Variants in SNUPN observed in about 807,000 individuals in gnomAD.
SNUPN encodes snurportin-1.
SNUPN carries 31 observed loss-of-function variants against 39.2 expected under a neutral mutation model. The ratio of observed to expected loss-of-function variants is 0.79; its 90% CI spans 0.59 to 1.07. The LOEUF (loss-of-function observed/expected upper bound fraction) is 1.07. Ranked by LOEUF, SNUPN falls within the 50% of genes least tolerant of loss-of-function variation. The pLI is 0.00. For synonymous variants in SNUPN, 132 were observed against 159.0 expected, an observed-to-expected ratio of 0.83 and a Z score of 1.28; for missense variants, 382 against 434.2, an observed-to-expected ratio of 0.88 and a Z score of 1.07.
At chr15:75,615,214 G>A (rs1044604576) in intron 3 of SNUPN, among the ~76,000 whole-genome samples, 1 of 152,052 alleles carries the variant, frequency 6.6e-6, no homozygotes, top group Non-Finnish European at 1.5e-5. Flanking sequence ...TAATAGATGG[G>A]GTTTCACCAT....
Position 75,604,442 on chromosome 15 carries a change from G to A in SNUPN, c.678+708C>T, listed in dbSNP as rs150487793. ...CTCCCAAAGTGCTGGGATTACAGGC[G>A]TGAGCCACGGCGCCTGGCCCTTGGC... On this transcript the variant is annotated intron_variant, in intron 7 of 8. Coordinates refer to ENST00000308588, the MANE Select transcript of SNUPN (RefSeq NM_005701.4). 7.7e-3 allele frequency among the ~76,000 whole-genome samples: 1,170 copies of A among 152,210 alleles called. 17 individuals are homozygous for A. Among genetic ancestry groups the A allele is most frequent in the African/African-American group, 0.026 (1,073 of 41,528 alleles).
intron 6 of SNUPN, among the ~76,000 whole-genome samples, chr15:75,605,889 C>G (rs1298532982): frequency 6.6e-5 from 10 of 152,118 alleles, no homozygotes; most frequent in Admixed American, 6.6e-4. Flanking sequence ...TGCAGTCGTT[C>G]ATGCCCAGCA....
At chr15:75,602,684 C>T in intron 7 of SNUPN, among the ~76,000 whole-genome samples, 1 of 151,914 alleles carries the variant, frequency 6.6e-6, no homozygotes, top group African/African-American at 2.4e-5. Flanking sequence ...CAGCTCACTG[C>T]AGCCTCAACC....
Position 75,601,195 on chromosome 15 carries a change from G to A in SNUPN, c.702C>T (p.Asn234=). 1.2e-6 allele frequency: 2 copies of A among 1,613,286 alleles called. No homozygotes were observed. Among genetic ancestry groups the A allele is most frequent in the South Asian group, 1.1e-5 (1 of 91,068 alleles). The part of the protein sequence containing the change: ...LNPFKFVGLK[N]FPCTPESLCD... ...ACAGGCTTTCGGGAGTGCAAGGGAAGTTCTTTAGCCCCACAAATTTAAACT... is the reference window on the plus strand; with the variant it reads ...ACAGGCTTTCGGGAGTGCAAGGGAAATTCTTTAGCCCCACAAATTTAAACT... Residue 234 remains asparagine (N), a synonymous_variant, in exon 8 of 9, where the codon AAC becomes AAT. Coordinates refer to ENST00000308588, the MANE Select transcript of SNUPN (RefSeq NM_005701.4).
intron 4 of SNUPN, 73 bp downstream of exon 4, chr15:75,609,816 AG>A: frequency 7.7e-7 from 1 of 1,294,108 alleles, no homozygotes; most frequent in Non-Finnish European, 1.1e-6. Flanking sequence ...GTGGCGTATG[AG>A]GAAAATGGAG....
At chr15:75,622,431 A>G (rs1335843522) in intron 1 of SNUPN, 5 of 985,254 alleles carry the variant, frequency 5.1e-6, no homozygotes, top group African/African-American at 3.5e-5. Context: ...ACATTAGGGA[A>G]ACAAGACAGG....
At chr15:75,604,182 A>C (rs1555459177) in intron 7 of SNUPN, among the ~76,000 whole-genome samples, 1 of 93,704 alleles carries the variant, frequency 1.1e-5, no homozygotes, top group African/African-American at 4.5e-5. Flanking sequence ...TTTTTTTGTG[A>C]CAGAGTCTCG....
Position 75,607,245 on chromosome 15 carries a change from A to G in SNUPN, c.571T>C (p.Trp191Arg). 1 of 1,613,800 alleles carries G rather than the reference A, an allele frequency of 6.2e-7. No individual in the cohort carries two copies. The highest frequency in any genetic ancestry group is 1.7e-4 in the Middle Eastern group (1 of 6,054). Reference sequence around the variant, plus strand: ...CAATCATAAAAAGGGTGTCCCCGCCAGCACATCACATCCAGAACGTAGTAG... The same window carrying G: ...CAATCATAAAAAGGGTGTCCCCGCCGGCACATCACATCCAGAACGTAGTAG... ...QTYYVLDVMC[W>R]RGHPFYDCQT... Residue 191 changes from tryptophan to arginine, a missense_variant, in exon 6 of 9, where the codon TGG becomes CGG. Coordinates refer to ENST00000308588, the MANE Select transcript of SNUPN (RefSeq NM_005701.4).
In SNUPN at chr15:75,613,642, CAAAAAAAA is replaced by C. The variant is rs58623437; in HGVS notation, c.304-3656_304-3649del. On this transcript the variant is annotated intron_variant, in intron 3 of 8. Coordinates refer to ENST00000308588, the MANE Select transcript of SNUPN (RefSeq NM_005701.4). ...TGGGCAAGAGAGGGAGACTCCAACT[CAAAAAAAA>C]AAAAAAAGAAAAGAAAAGAAAAGAT... Among the ~76,000 whole-genome samples the C allele has an allele frequency of 3.1e-5, 4 of 128,562 alleles. No individual in the cohort carries two copies. The South Asian group carries it at 1.0e-3, about 32-fold the overall frequency. 84.3% of individuals were successfully genotyped at this position (128,562 alleles called of 152,430 possible). A position where few individuals can be genotyped will look rare whatever the true frequency, so the allele number is the denominator to read the frequency against.
Position 75,601,277 on chromosome 15 carries a change from T to C in SNUPN, c.679-59A>G, listed in dbSNP as rs571857706. The C allele has an allele frequency of 2.1e-5, 26 of 1,248,024 alleles. No homozygotes were observed. In the East Asian group the frequency reaches 5.0e-4, roughly 24 times the overall value. 77.3% of individuals were successfully genotyped at this position (1,248,024 alleles called of 1,614,324 possible). A position where few individuals can be genotyped will look rare whatever the true frequency, so the allele number is the denominator to read the frequency against. On this transcript the variant is annotated intron_variant, in intron 7 of 8. Coordinates refer to ENST00000308588, the MANE Select transcript of SNUPN (RefSeq NM_005701.4). ...TTATAAATGATACTGGCCCAAGCAA[T>C]TGAAAATCTCTGTCAGGCCAGGCAT...
intron 3 of SNUPN, 43 bp from the exon 4 acceptor site, chr15:75,610,037 C>T: frequency 6.8e-7 from 1 of 1,460,562 alleles, no homozygotes; most frequent in Non-Finnish European, 9.6e-7. Flanking sequence ...CAGGGGTGTG[C>T]TACTCGAAAG....
intron 7 of SNUPN, among the ~76,000 whole-genome samples, chr15:75,603,317 G>A (rs1199764159): frequency 6.7e-6 from 1 of 149,648 alleles, no homozygotes; most frequent in African/African-American, 2.5e-5. Context: ...AAAGTGCTGG[G>A]ATTACAGGCG....
chr15:75,615,446 C>T (rs1380391691), intron 3 of SNUPN, among the ~76,000 whole-genome samples: 2 of 152,254 alleles, frequency 1.3e-5, no homozygotes, highest in East Asian at 3.9e-4. Flanking sequence ...TCGTGCTCAG[C>T]CTGTTTGTTC....
Position 75,598,267 on chromosome 15 carries a change from G to T in SNUPN, c.*91C>A, listed in dbSNP as rs376651578. ...CTGGGTTTGGAAAGTTCACTCTAAA[G>T]AATGAAGTCACCTGTTGTCACTGTC... On this transcript the variant is annotated 3_prime_UTR_variant, in exon 9 of 9. Coordinates refer to ENST00000308588, the MANE Select transcript of SNUPN (RefSeq NM_005701.4). 6.7e-6 allele frequency: 7 copies of T among 1,047,054 alleles called. No homozygotes were observed. The highest frequency in any genetic ancestry group is 6.4e-5 in the African/African-American group (4 of 62,836). The allele number at this position is 1,047,054 out of a possible 1,614,324, so 64.9% of individuals were successfully genotyped here.
At chr15:75,622,433 C>A in intron 1 of SNUPN, 2 of 985,288 alleles carry the variant, frequency 2.0e-6, no homozygotes, top group Non-Finnish European at 2.4e-6. Context: ...ATTAGGGAAA[C>A]AAGACAGGCA....
At chr15:75,626,358 G>A (rs944897137), upstream of SNUPN, 10 of 152,206 alleles carry the variant, frequency 6.6e-5, no homozygotes, top group African/African-American at 2.4e-4. Flanking sequence ...ACAAGGGATG[G>A]CGCTCAGTAG....
In SNUPN at chr15:75,598,467, GT is replaced by G. The variant is rs766418260; in HGVS notation, c.973del (p.Thr325HisfsTer20). ...SQKEGMKEKL[T>X]HKASENGHYE... is the part of the protein sequence containing the mutation. ...GTGCCCATTCTCAGAGGCCTTGTGT[GT>G]GAGTTTCTCCTTCATGCCTTCCTTC... is the stretch of plus-strand genomic sequence containing the variant. On this transcript the variant is annotated frameshift_variant, in exon 9 of 9. Coordinates refer to ENST00000308588, the MANE Select transcript of SNUPN (RefSeq NM_005701.4). LOFTEE classifies it low-confidence loss of function (END_TRUNC). 29 of 1,614,098 alleles carry G rather than the reference GT, an allele frequency of 1.8e-5. No individual in the cohort carries two copies. Among genetic ancestry groups the G allele is most frequent in the Non-Finnish European group, 1.5e-5 (18 of 1,180,040 alleles).
At chr15:75,626,370 C>T (rs575246574), upstream of SNUPN, 29 of 152,280 alleles carry the variant, frequency 1.9e-4, no homozygotes, top group African/African-American at 7.0e-4. Context: ...GCTCAGTAGA[C>T]CCTGCGTGAA....
rs1264282543 is a variant in SNUPN, at chr15:75,620,874, A to G, written c.158+20T>C. The G allele has an allele frequency of 1.2e-6, 2 of 1,608,736 alleles. No homozygotes were observed. Among genetic ancestry groups the G allele is most frequent in the Admixed American group, 1.7e-5 (1 of 58,776 alleles). The stretch of plus-strand genomic sequence containing the variant: ...GCTCCTAGCCCAGAGAAAGAAGACA[A>G]GGAGTTAAAGCTTCCTTACGATTTC... On this transcript the variant is annotated intron_variant, in intron 2 of 8. Coordinates refer to ENST00000308588, the MANE Select transcript of SNUPN (RefSeq NM_005701.4).
Sources: allele counts gnomAD v4.1 joint callset (sites outside exome capture counted in the v4.1 genomes callset), GRCh38; gene constraint gnomAD v4.1.1; transcripts MANE v1.5; gene names NCBI Gene and HGNC (gene_info 2026-07-23, HGNC 2026-07-21).